CYB561: variants seen among roughly 807,000 people sequenced by gnomAD.
The protein encoded by CYB561 is transmembrane ascorbate-dependent reductase CYB561.
CYB561 carries 11 observed loss-of-function variants against 25.3 expected under a neutral mutation model. The ratio of observed to expected loss-of-function variants is 0.44; its 90% CI spans 0.27 to 0.72. CYB561 has a LOEUF of 0.72. Ranked by LOEUF, CYB561 falls within the 30% of genes least tolerant of loss-of-function variation. The probability of loss-of-function intolerance (pLI) is 0.18; values close to 1 mark genes in which losing one functional copy is unlikely to be tolerated. For missense variants in CYB561, 295 were observed against 334.9 expected (o/e 0.88, Z 0.93); for synonymous variants, 165 against 158.8 (o/e 1.04, Z -0.29).
chr17:63,433,940 G>A lies in CYB561; in HGVS notation c.*462C>T, dbSNP rs1053276287. On this transcript the variant is annotated 3_prime_UTR_variant, in exon 6 of 6. Transcript: ENST00000360793. The stretch of plus-strand genomic sequence containing the variant: ...ATCACTTGCTCCTCTGCCAAAGGCC[G>A]GGCCCATTTGTGCCACGTGTTATTC... 4.5e-5 allele frequency: 8 copies of A among 177,956 alleles called. No individual in the cohort carries two copies. The highest frequency in any genetic ancestry group is 1.5e-4 in the East Asian group (1 of 6,588). The allele number at this position is 177,956 out of a possible 1,614,324, so 11.0% of individuals were successfully genotyped here.
rs1047117945 is a variant in CYB561 at position 63,435,918 on chromosome 17, G to C, written c.302-127C>G. ...CCAGCTCGAGGGCTGCCAGCACCTA[G>C]TGGCCCTGCAGGGGATGTTTGGGGT... On this transcript the variant is annotated intron_variant, in intron 3 of 5. Coordinates refer to ENST00000360793, the MANE Select transcript of CYB561 (RefSeq NM_001915.4). 1.8e-5 allele frequency: 29 copies of C among 1,586,648 alleles called. No individual in the cohort carries two copies. The African/African-American group carries it at 3.5e-4, about 19-fold the overall frequency.
chr17:63,435,354 C>T lies in CYB561; in HGVS notation c.406-111G>A, dbSNP rs866341302. 111 of 1,219,806 alleles carry T rather than the reference C, an allele frequency of 9.1e-5. 3 individuals carry two copies. In the South Asian group the frequency reaches 9.5e-4, roughly 10 times the overall value. 75.6% of individuals were successfully genotyped at this position (1,219,806 alleles called of 1,614,324 possible). ...ACGTGGCGACTGTGAGCCCCTCAGC[C>T]CTGCCTGGTTTCCTTCCTCCTCAGC... On this transcript the variant is annotated intron_variant, in intron 4 of 5. Coordinates refer to ENST00000360793, the MANE Select transcript of CYB561 (RefSeq NM_001915.4).
Position 63,436,895 on chromosome 17 carries a change from C to G in CYB561, c.202+451G>C, listed in dbSNP as rs2049307187. On this transcript the variant is annotated intron_variant, in intron 2 of 5. Transcript: ENST00000360793. This position sits in a 1 kb window ranked among gnomAD's most constrained non-coding sequence, Gnocchi z 4.8. ...TCCCTGGCCTGGAGGCAGGTGGAGG[C>G]CAAGCACTGCCTTGCTCCTGCCCCA... Among the ~76,000 whole-genome samples the G allele has an allele frequency of 6.6e-6, 1 of 152,182 alleles. No individual in the cohort carries two copies. The highest frequency in any genetic ancestry group is 6.5e-5 in the Admixed American group (1 of 15,282).
chr17:63,436,452 A>T lies in CYB561; in HGVS notation c.203-300T>A. The T allele has an allele frequency of 3.1e-6, 1 of 321,518 alleles. No individual in the cohort carries two copies. The highest frequency in any genetic ancestry group is 5.9e-6 in the Non-Finnish European group (1 of 170,326). The allele number at this position is 321,518 out of a possible 1,614,324, so 19.9% of individuals were successfully genotyped here. A position where few individuals can be genotyped will look rare whatever the true frequency, so the allele number is the denominator to read the frequency against. Reference sequence around the variant, plus strand: ...CTGCACCACAGTCCCCACCACCAGGACAGGCAGTGAAGGCAGCGCCTCTGC... The same window carrying T: ...CTGCACCACAGTCCCCACCACCAGGTCAGGCAGTGAAGGCAGCGCCTCTGC... On this transcript the variant is annotated intron_variant, in intron 2 of 5. Transcript: ENST00000360793. This position sits in a 1 kb window ranked among gnomAD's most constrained non-coding sequence, Gnocchi z 4.8.
rs148713706 is a variant in CYB561, at chr17:63,433,190, G to A, written c.*1212C>T. On this transcript the variant is annotated 3_prime_UTR_variant, in exon 6 of 6. Transcript: ENST00000360793. Reference sequence around the variant, plus strand: ...TGGGACTACAGGCGCCCACCACCACGCCTGGCTAATTTTTTTGTATTTTTA... The same window carrying A: ...TGGGACTACAGGCGCCCACCACCACACCTGGCTAATTTTTTTGTATTTTTA... 9.7e-4 allele frequency: 365 copies of A among 378,024 alleles called. 3 individuals carry two copies. The East Asian group carries it at 0.013, about 13-fold the overall frequency. The allele number at this position is 378,024 out of a possible 1,614,324, so 23.4% of individuals were successfully genotyped here.
chr17:63,443,683 G>A (rs1035410958), intron 1 of CYB561, among the ~76,000 whole-genome samples: 11 of 152,190 alleles, frequency 7.2e-5, no homozygotes, highest in Admixed American at 5.2e-4. Flanking sequence ...GCTGGAATAC[G>A]ATGGCATGAT....
chr17:63,437,531 G>A lies in CYB561; in HGVS notation c.17C>T (p.Ala6Val), dbSNP rs775439235. The change falls in exon 2 of 6, where the codon GCG becomes GTG. Residue 6 changes from alanine (A) to valine (V), a missense_variant. Ala to Val is a moderately conservative substitution (Grantham distance 64, BLOSUM62 0). Coordinates refer to ENST00000360793, the MANE Select transcript of CYB561 (RefSeq NM_001915.4). ...AGGCAGTGCTGTGGGGGTGGCTGCCGCGGCCCCGCCCTCCATGCTGAGGCA... is the reference window on the plus strand; with the variant it reads ...AGGCAGTGCTGTGGGGGTGGCTGCCACGGCCCCGCCCTCCATGCTGAGGCA... MEGGA[A>V]AATPTALPYY... is the part of the protein sequence containing the mutation. 2.5e-6 allele frequency: 4 copies of A among 1,610,842 alleles called. No homozygotes were observed. Among genetic ancestry groups the A allele is most frequent in the South Asian group, 2.2e-5 (2 of 91,036 alleles).
chr17:63,438,130 C>A (rs770458504), intron 1 of CYB561: 11 of 1,535,042 alleles, frequency 7.2e-6, no homozygotes, highest in South Asian at 6.0e-5. Context: ...ACCTGGGACA[C>A]GACGCCAGGA....
At chr17:63,438,887 C>G (rs981047602) in intron 1 of CYB561, among the ~76,000 whole-genome samples, 1 of 152,224 alleles carries the variant, frequency 6.6e-6, no homozygotes, top group Admixed American at 6.5e-5. Context: ...TCCCCTCACC[C>G]GGCAGCGGCC....
At chr17:63,438,676 G>C (rs937705041) in intron 1 of CYB561, among the ~76,000 whole-genome samples, 6 of 152,204 alleles carry the variant, frequency 3.9e-5, no homozygotes, top group Non-Finnish European at 8.8e-5. Flanking sequence ...GTAGAGCTCA[G>C]CACGGCTGTC....
chr17:63,436,030 G>T lies in CYB561; in HGVS notation c.301+24C>A, dbSNP rs371346883. Reference sequence around the variant, plus strand: ...ACCTGAAGAGGCAGGCAGGTGGCGGGGAAGGCCGCGCCCGGGAACTCACCA... The same window carrying T: ...ACCTGAAGAGGCAGGCAGGTGGCGGTGAAGGCCGCGCCCGGGAACTCACCA... On this transcript the variant is annotated intron_variant, in intron 3 of 5. Coordinates refer to ENST00000360793, the MANE Select transcript of CYB561 (RefSeq NM_001915.4). This position sits in a 1 kb window ranked among gnomAD's most constrained non-coding sequence, Gnocchi z 4.8. The T allele has an allele frequency of 2.0e-5, 32 of 1,613,860 alleles. No individual in the cohort carries two copies. The highest frequency in any genetic ancestry group is 2.7e-5 in the Non-Finnish European group (32 of 1,179,896).
At chr17:63,437,289 C>T in intron 2 of CYB561, 57 bp downstream of exon 2, 1 of 1,405,612 alleles carries the variant, frequency 7.1e-7, no homozygotes, top group Non-Finnish European at 1.0e-6. Context: ...CCCCTGCAAA[C>T]TGCCTCTCAG....
intron 1 of CYB561, among the ~76,000 whole-genome samples, chr17:63,442,313 G>A (rs1235692516): frequency 6.6e-6 from 1 of 152,158 alleles, no homozygotes; most frequent in Non-Finnish European, 1.5e-5. Flanking sequence ...GCCAGAGGTG[G>A]GGGTGTACAG....
chr17:63,446,104 G>C (rs534884094), intron 1 of CYB561, 141 bp downstream of exon 1: 1 of 152,360 alleles, frequency 6.6e-6, no homozygotes, highest in East Asian at 1.9e-4. Context: ...AGTCCAGTGC[G>C]CGGCCGCAAG....
At chr17:63,439,471 T>C (rs895023927) in intron 1 of CYB561, among the ~76,000 whole-genome samples, 1 of 152,098 alleles carries the variant, frequency 6.6e-6, no homozygotes, top group Non-Finnish European at 1.5e-5. Flanking sequence ...AGGCAGAGTT[T>C]GCAGTGGGCC....
At position 63,436,396 on chromosome 17, in the gene CYB561, C is replaced by G. The variant is rs538484661; in HGVS notation, c.203-244G>C. 4.1e-6 allele frequency: 2 copies of G among 483,742 alleles called. No homozygotes were observed. The highest frequency in any genetic ancestry group is 3.8e-5 in the East Asian group (1 of 26,362). The allele number at this position is 483,742 out of a possible 1,614,324, so 30.0% of individuals were successfully genotyped here. A position where few individuals can be genotyped will look rare whatever the true frequency, so the allele number is the denominator to read the frequency against. On this transcript the variant is annotated intron_variant, in intron 2 of 5. Transcript: ENST00000360793. The surrounding 1 kb of genome is among the most constrained non-coding windows in gnomAD (Gnocchi z 4.8). ...CCCTCCCCCACCCTCCAACCTCCCCCAGCTGTGCACAAAGAGGGCAGGGCC... is the reference window on the plus strand; with the variant it reads ...CCCTCCCCCACCCTCCAACCTCCCCGAGCTGTGCACAAAGAGGGCAGGGCC...
chr17:63,438,116 C>T lies in CYB561; in HGVS notation c.-13-556G>A, dbSNP rs933895316. 19 of 1,534,432 alleles carry T rather than the reference C, an allele frequency of 1.2e-5. No individual in the cohort carries two copies. The South Asian group carries it at 2.0e-4, about 16-fold the overall frequency. On this transcript the variant is annotated intron_variant, in intron 1 of 5. Coordinates refer to ENST00000360793, the MANE Select transcript of CYB561 (RefSeq NM_001915.4). ...GGCCCAGCCTCCCCACGGGGACAGG[C>T]GTGACCTGGGACACGACGCCAGGAG... is the stretch of plus-strand genomic sequence containing the variant.
chr17:63,437,626 G>A lies in CYB561; in HGVS notation c.-13-66C>T, dbSNP rs2049320158. 3 of 1,338,242 alleles carry A rather than the reference G, an allele frequency of 2.2e-6. No individual in the cohort carries two copies. The Admixed American group carries it at 6.2e-5, about 28-fold the overall frequency. The allele number at this position is 1,338,242 out of a possible 1,614,324, so 82.9% of individuals were successfully genotyped here. ...CCCCGAGATGCGCACAGCCCCCGCGGATGCACACAGCCCCCCAAGATGCGC... is the reference window on the plus strand; with the variant it reads ...CCCCGAGATGCGCACAGCCCCCGCGAATGCACACAGCCCCCCAAGATGCGC... On this transcript the variant is annotated intron_variant, in intron 1 of 5. Transcript: ENST00000360793.
Position 63,434,220 on chromosome 17 carries a change from G to C in CYB561, c.*182C>G. ...ACACAATGAACTGGTCTATAGCAGC[G>C]GAGAAAGGAGAAGCAGAGGAGGCGG... On this transcript the variant is annotated 3_prime_UTR_variant, in exon 6 of 6. Coordinates refer to ENST00000360793, the MANE Select transcript of CYB561 (RefSeq NM_001915.4). The C allele has an allele frequency of 1.7e-6, 1 of 600,908 alleles. No homozygotes were observed. Among genetic ancestry groups the C allele is most frequent in the Admixed American group, 3.0e-5 (1 of 33,842 alleles). 37.2% of individuals were successfully genotyped at this position (600,908 alleles called of 1,614,324 possible). A position where few individuals can be genotyped will look rare whatever the true frequency, so the allele number is the denominator to read the frequency against.
Sources: gnomAD v4.1 joint callset for allele counts (sites outside exome capture counted in the v4.1 genomes callset) on GRCh38, gnomAD v4.1.1 for gene constraint, Gnocchi (gnomAD v3.1) non-coding constraint, MANE v1.5 for transcripts, NCBI Gene and HGNC (gene_info 2026-07-23, HGNC 2026-07-21) for gene names.